Variants in APTX observed in about 807,000 individuals in gnomAD.
APTX encodes the protein forkhead-associated domain histidine triad-like protein.
A neutral mutation model predicts 42.3 loss-of-function variants in APTX; 33 were observed. The ratio of observed to expected loss-of-function variants is 0.78; its 90% confidence interval spans 0.59 to 1.04. The LOEUF is 1.04. APTX is among the 50% of genes least tolerant of loss of function. The pLI is 0.00. For synonymous variants in APTX, 130 were observed against 146.7 expected, an observed-to-expected ratio of 0.89 and a Z score of 0.82; for missense variants, 421 against 415.1, an observed-to-expected ratio of 1.01 and a Z score of -0.12.
chr9:33,019,920 G>C (rs1189708035), intron 1 of APTX: 8 of 515,708 alleles, frequency 1.6e-5, no homozygotes, highest in Non-Finnish European at 1.8e-5. Context: ...ACCTCTAAGG[G>C]GGTCGGGAAA....
intron 1 of APTX, among the ~76,000 whole-genome samples, chr9:33,021,056 G>A (rs899066648): frequency 1.3e-5 from 2 of 151,752 alleles, no homozygotes; most frequent in South Asian, 4.2e-4. Flanking sequence ...TTGAACCTGG[G>A]AGGCGGAGGC....
At chr9:33,011,235 A>G (rs1317377498) in intron 1 of APTX, among the ~76,000 whole-genome samples, 2 of 152,092 alleles carry the variant, frequency 1.3e-5, no homozygotes, top group Admixed American at 1.3e-4. Flanking sequence ...AGTCATGTGG[A>G]TATCTGGGTG....
At chr9:33,007,678 T>C (rs1196695982) in intron 1 of APTX, among the ~76,000 whole-genome samples, 1 of 152,158 alleles carries the variant, frequency 6.6e-6, no homozygotes. Context: ...CAAAAACTTC[T>C]TACTGCAAGA....
intron 1 of APTX, among the ~76,000 whole-genome samples, chr9:33,000,400 G>T (rs529904082): frequency 2.6e-5 from 4 of 152,098 alleles, no homozygotes; most frequent in Non-Finnish European, 5.9e-5. Flanking sequence ...GCCGAGGGGG[G>T]CGAATCACCT....
chr9:33,004,932 GC>G (rs1160091535), upstream of APTX, among the ~76,000 whole-genome samples: 3 of 151,830 alleles, frequency 2.0e-5, no homozygotes, highest in African/African-American at 7.3e-5. Flanking sequence ...GAGCCACTGC[GC>G]CCGGCCGCTT....
intron 6 of APTX, among the ~76,000 whole-genome samples, chr9:32,980,625 C>T (rs1436534247): frequency 6.6e-6 from 1 of 152,192 alleles, no homozygotes; most frequent in Non-Finnish European, 1.5e-5. Context: ...CATGGAGAAA[C>T]CAGTTAAGGA....
rs937631823 is a variant in APTX at position 32,987,537 on chromosome 9, C to T, written c.483+7G>A. On this transcript the variant is annotated splice_region_variant and intron_variant, in intron 4 of 7. Transcript: ENST00000379817. Reference sequence around the variant, plus strand: ...TCCACATCATCTACCAATCACACTACCCTCACCTTTTTGATAGGTGCATCT... The same window carrying T: ...TCCACATCATCTACCAATCACACTATCCTCACCTTTTTGATAGGTGCATCT... 6.2e-7 allele frequency: 1 copy of T among 1,613,458 alleles called. No homozygotes were observed. Among genetic ancestry groups the T allele is most frequent in the Admixed American group, 1.7e-5 (1 of 60,030 alleles).
chr9:32,978,567 C>A (rs573730122), intron 6 of APTX, among the ~76,000 whole-genome samples: 155 of 152,164 alleles, frequency 1.0e-3, no homozygotes, highest in African/African-American at 3.5e-3. Context: ...ATTTTCTAAG[C>A]CCCAGCAACA....
At chr9:32,981,923 A>G (rs1261585459) in intron 6 of APTX, among the ~76,000 whole-genome samples, 2 of 152,118 alleles carry the variant, frequency 1.3e-5, no homozygotes, top group Non-Finnish European at 1.5e-5. Flanking sequence ...AGATGCTAAA[A>G]TCATTGGGTG....
In APTX at chr9:33,001,559, C is replaced by T. The variant is rs779104327; in HGVS notation, c.-5+8G>A. 3.1e-6 allele frequency: 5 copies of T among 1,613,824 alleles called. No homozygotes were observed. The highest frequency in any genetic ancestry group is 1.3e-5 in the African/African-American group (1 of 75,048). Reference sequence around the variant, plus strand: ...CCAGCAGAAGAGATAGGCTGACGACCGCCTTACCTCCAGAAGTCGGAGACG... The same window carrying T: ...CCAGCAGAAGAGATAGGCTGACGACTGCCTTACCTCCAGAAGTCGGAGACG... On this transcript the variant is annotated splice_region_variant and intron_variant, in intron 1 of 7. Transcript: ENST00000379817.
At chr9:33,016,579 C>G (rs1837916024) in intron 1 of APTX, among the ~76,000 whole-genome samples, 1 of 152,056 alleles carries the variant, frequency 6.6e-6, no homozygotes, top group South Asian at 2.1e-4. Flanking sequence ...TTCTACCAGG[C>G]TGGAGCTTTA....
intron 1 of APTX, among the ~76,000 whole-genome samples, chr9:33,007,336 G>T (rs531403255): frequency 1.3e-5 from 2 of 152,314 alleles, no homozygotes; most frequent in East Asian, 1.9e-4. Context: ...AACCCCTGAA[G>T]AGTTAGTTAG....
chr9:33,001,595 C>T lies in APTX; in HGVS notation c.-33G>A, dbSNP rs754372867. On this transcript the variant is annotated 5_prime_UTR_variant, in exon 1 of 8. The change creates a new upstream start codon in the 5' untranslated region. Transcript: ENST00000379817. ...CAGAAGTCGGAGACGGACAAATTCA[C>T]GTTACTCATCTGTGCCTCACCGCTT... The T allele has an allele frequency of 1.7e-5, 28 of 1,613,952 alleles. No individual in the cohort carries two copies. Among genetic ancestry groups the T allele is most frequent in the Non-Finnish European group, 2.4e-5 (28 of 1,180,020 alleles).
intron 1 of APTX, chr9:32,997,211 A>T (rs1017341902): frequency 6.6e-6 from 1 of 151,942 alleles, no homozygotes; most frequent in African/African-American, 2.4e-5. Flanking sequence ...CCTTCAAAAA[A>T]CTCAGCCTTA....
upstream of APTX, among the ~76,000 whole-genome samples, chr9:33,004,627 ACC>A (rs1441132965): frequency 6.9e-5 from 9 of 130,676 alleles, no homozygotes; most frequent in Non-Finnish European, 1.5e-4. Flanking sequence ...ATTCTTGCCA[ACC>A]CTTTTTTTTT....
intron 1 of APTX, chr9:33,019,655 A>C (rs1039828961): frequency 9.2e-6 from 4 of 434,854 alleles, no homozygotes; most frequent in Admixed American, 4.4e-5. Flanking sequence ...TGCACTGCCT[A>C]GGAGGAGACG....
chr9:32,986,062 AAAAAAAAACAAGCAATGT>A, intron 4 of APTX, 32 bp from the exon 5 acceptor site: 1 of 1,456,558 alleles, frequency 6.9e-7, no homozygotes, highest in Non-Finnish European at 9.4e-7. Flanking sequence ...AAACAAAAAA[AAAAAAAAACAAGCAATGT>A]AAATTACAAA....
intron 6 of APTX, among the ~76,000 whole-genome samples, chr9:32,982,379 G>A (rs1210356640): frequency 1.3e-5 from 2 of 152,086 alleles, no homozygotes; most frequent in Non-Finnish European, 2.9e-5. Context: ...GGAAAAATGG[G>A]TGAAATTCAA....
chr9:32,973,941 G>A (rs1164048778), intron 7 of APTX, among the ~76,000 whole-genome samples: 1 of 151,972 alleles, frequency 6.6e-6, no homozygotes, highest in African/African-American at 2.4e-5. Context: ...GTTGGCCCTT[G>A]GTAAATGCCA....
Sources: allele counts gnomAD v4.1 joint callset (sites outside exome capture counted in the v4.1 genomes callset), GRCh38; gene constraint gnomAD v4.1.1; transcripts MANE v1.5; gene names NCBI Gene and HGNC (gene_info 2026-07-23, HGNC 2026-07-21).